The following RAPGEF5 variants were observed in gnomAD, a reference collection of about 807,000 sequenced individuals.
RAPGEF5 encodes Rap guanine nucleotide exchange factor 5.
A neutral mutation model predicts 125.2 loss-of-function variants in RAPGEF5; 65 were observed. The ratio of observed to expected loss-of-function variants is 0.52; its 90% confidence interval spans 0.43 to 0.64. The LOEUF is 0.64. Ranked by LOEUF, RAPGEF5 falls within the 30% of genes least tolerant of loss-of-function variation. RAPGEF5 has a pLI of 0.00. For synonymous variants in RAPGEF5, 391 were observed against 385.9 expected, an observed-to-expected ratio of 1.01 and a Z score of -0.16; for missense variants, 958 against 1,048.1, an observed-to-expected ratio of 0.91 and a Z score of 1.19.
chr7:22,328,488 C>T (rs1437610631), intron 1 of RAPGEF5, among the ~76,000 whole-genome samples: 9 of 152,172 alleles, frequency 5.9e-5, no homozygotes, highest in Non-Finnish European at 1.3e-4. Flanking sequence ...CTGTTTAGAA[C>T]CCTAAGTACA....
Position 22,125,663 on chromosome 7 carries a change from A to G in RAPGEF5, c.2482-5T>C, listed in dbSNP as rs751270683. The G allele has an allele frequency of 3.7e-6, 6 of 1,607,998 alleles. No individual in the cohort carries two copies. The highest frequency in any genetic ancestry group is 1.1e-5 in the South Asian group (1 of 90,966). On this transcript the variant is annotated splice_polypyrimidine_tract_variant and splice_region_variant and intron_variant, in intron 24 of 25. Transcript: ENST00000665637. ...GACAGTGTCTGCGATCATATGCTGT[A>G]AAGTAGAACAGGAAACACATCAATG...
At chr7:22,183,162 G>A (rs749262578) in intron 11 of RAPGEF5, among the ~76,000 whole-genome samples, 11 of 150,178 alleles carry the variant, frequency 7.3e-5, no homozygotes, top group Admixed American at 6.7e-5. Flanking sequence ...CCAGCTACTC[G>A]AGAGGCTGAG....
At chr7:22,164,058 C>A (rs368459609) in intron 12 of RAPGEF5, among the ~76,000 whole-genome samples, 3 of 152,098 alleles carry the variant, frequency 2.0e-5, no homozygotes, top group African/African-American at 7.2e-5. Flanking sequence ...TCTAGGCCAA[C>A]CATGGTGGCT....
At chr7:22,238,953 T>C (rs954773707) in intron 7 of RAPGEF5, among the ~76,000 whole-genome samples, 3 of 152,188 alleles carry the variant, frequency 2.0e-5, no homozygotes, top group African/African-American at 7.2e-5. Flanking sequence ...TAAAATAAAT[T>C]GAACAGAAAT....
At chr7:22,199,326 G>A (rs1785222202) in intron 9 of RAPGEF5, among the ~76,000 whole-genome samples, 1 of 152,076 alleles carries the variant, frequency 6.6e-6, no homozygotes, top group Non-Finnish European at 1.5e-5. Flanking sequence ...AAACACGGCA[G>A]GGACCGGCTT....
chr7:22,283,512 G>A (rs1272154365), intron 6 of RAPGEF5, among the ~76,000 whole-genome samples: 1 of 152,088 alleles, frequency 6.6e-6, no homozygotes. Context: ...TTCATCTAAA[G>A]CAGCTATAAG....
chr7:22,245,484 T>G (rs1786452506), intron 7 of RAPGEF5, among the ~76,000 whole-genome samples: 3 of 152,110 alleles, frequency 2.0e-5, no homozygotes. Flanking sequence ...TCATTTGTTT[T>G]TGTATATGGT....
chr7:22,214,042 T>C (rs192086073), intron 9 of RAPGEF5, among the ~76,000 whole-genome samples: 2 of 152,322 alleles, frequency 1.3e-5, no homozygotes, highest in Admixed American at 1.3e-4. Context: ...AGTGTGACAG[T>C]AGCCAGAATA....
At chr7:22,337,710 T>C (rs982760091) in intron 1 of RAPGEF5, among the ~76,000 whole-genome samples, 1 of 152,204 alleles carries the variant, frequency 6.6e-6, no homozygotes, top group African/African-American at 2.4e-5. Context: ...TAATTTTCTG[T>C]TACAATTTTT....
chr7:22,272,446 C>T (rs17146488), intron 6 of RAPGEF5, among the ~76,000 whole-genome samples: 22,994 of 151,180 alleles, frequency 0.15, 1,774 homozygotes, highest in South Asian at 0.23. Flanking sequence ...GTTACCAAAG[C>T]GTTGTCCTTA....
chr7:22,229,622 T>G (rs1047200275), intron 8 of RAPGEF5, among the ~76,000 whole-genome samples: 4 of 152,298 alleles, frequency 2.6e-5, no homozygotes, highest in Non-Finnish European at 2.9e-5. Flanking sequence ...AAATTCTAAG[T>G]TTTCTTTAAG....
At chr7:22,206,802 A>G (rs750380183) in intron 9 of RAPGEF5, among the ~76,000 whole-genome samples, 2 of 152,128 alleles carry the variant, frequency 1.3e-5, no homozygotes, top group Non-Finnish European at 2.9e-5. Flanking sequence ...AGACAATATT[A>G]AAAATAAAAA....
At chr7:22,338,432 T>C (rs1331427025) in intron 1 of RAPGEF5, among the ~76,000 whole-genome samples, 7 of 152,240 alleles carry the variant, frequency 4.6e-5, no homozygotes, top group African/African-American at 1.4e-4. Context: ...TTACACTATG[T>C]ATTTTGAAAT....
At chr7:22,340,193 T>C (rs944449233) in intron 1 of RAPGEF5, among the ~76,000 whole-genome samples, 2 of 152,084 alleles carry the variant, frequency 1.3e-5, no homozygotes, top group Admixed American at 6.5e-5. Context: ...ACAGGAGTGC[T>C]GTGCTGGGAA....
At chr7:22,146,739 T>C in intron 19 of RAPGEF5, among the ~76,000 whole-genome samples, 158 bp downstream of exon 19, 1 of 152,248 alleles carries the variant, frequency 6.6e-6, no homozygotes, top group East Asian at 1.9e-4. Context: ...TCTGATTTTT[T>C]TAGAATTGAG....
In RAPGEF5 at chr7:22,339,042, C is replaced by T. The variant is rs747520536; in HGVS notation, c.231+17788G>A. Among the ~76,000 whole-genome samples the T allele has an allele frequency of 7.3e-4, 111 of 152,156 alleles. 1 individual carries two copies. The highest frequency in any genetic ancestry group is 9.6e-4 in the East Asian group (5 of 5,196). On this transcript the variant is annotated intron_variant, in intron 1 of 25. Coordinates refer to ENST00000665637, the MANE Select transcript of RAPGEF5 (RefSeq NM_012294.5). ...AGGTGGGTGAGTGGGCTCAAGCATG[C>T]GCACTAAGAGGCAAAACGATGGAGT...
intron 21 of RAPGEF5, among the ~76,000 whole-genome samples, chr7:22,139,145 C>A (rs1203988575): frequency 6.6e-6 from 1 of 152,124 alleles, no homozygotes; most frequent in African/African-American, 2.4e-5. Context: ...ATCAGCTTTT[C>A]TCTTGTAGGA....
rs567649734 is a variant in RAPGEF5, at chr7:22,134,379, T to G, written c.2416+1659A>C. Among the ~76,000 whole-genome samples the G allele has an allele frequency of 1.2e-4, 18 of 152,370 alleles. No individual in the cohort carries two copies. The South Asian group carries it at 3.5e-3, about 30-fold the overall frequency. On this transcript the variant is annotated intron_variant, in intron 23 of 25. Coordinates refer to ENST00000665637, the MANE Select transcript of RAPGEF5 (RefSeq NM_012294.5). ...AATAACAAATGTTTATTTCTTATTC[T>G]TTTGAAATGAGTAAATGTGTTTTCA...
rs571729777 is a variant in RAPGEF5 at position 22,119,663 on chromosome 7, C to A, written c.*2743G>T. On this transcript the variant is annotated 3_prime_UTR_variant, in exon 26 of 26. Coordinates refer to ENST00000665637, the MANE Select transcript of RAPGEF5 (RefSeq NM_012294.5). The surrounding 1 kb of genome is among the most constrained non-coding windows in gnomAD (Gnocchi z 4.1). ...AGAGTTGTGCTGTAACAAAAAGAGCCCACTTAGAAGTGCCCCTGCACCACC... is the reference window on the plus strand; with the variant it reads ...AGAGTTGTGCTGTAACAAAAAGAGCACACTTAGAAGTGCCCCTGCACCACC... The A allele has an allele frequency of 6.6e-6, 1 of 152,150 alleles. No homozygotes were observed. Among genetic ancestry groups the A allele is most frequent in the Non-Finnish European group, 1.5e-5 (1 of 68,046 alleles). 9.4% of individuals were successfully genotyped at this position (152,150 alleles called of 1,614,324 possible).
Sources: allele counts gnomAD v4.1 joint callset (sites outside exome capture counted in the v4.1 genomes callset), GRCh38; gene constraint gnomAD v4.1.1; non-coding constraint Gnocchi (gnomAD v3.1); transcripts MANE v1.5; gene names NCBI Gene and HGNC (gene_info 2026-07-23, HGNC 2026-07-21).